The following DIO1 variants were observed in gnomAD, a reference collection of about 807,000 sequenced individuals.
DIO1 encodes the protein iodothyronine deiodinase 1.
A neutral mutation model predicts 25.9 loss-of-function variants in DIO1; 17 were observed. That is an observed-to-expected ratio of 0.66 (90% confidence interval 0.45 to 0.98). The LOEUF is 0.98. Ranked by LOEUF, DIO1 falls within the 50% of genes least tolerant of loss-of-function variation. The pLI, the probability that DIO1 is intolerant of heterozygous loss-of-function variation, is 0.00. For missense variants in DIO1, 270 were observed against 310.4 expected (o/e 0.87, Z 0.98); for synonymous variants, 115 against 114.0 (o/e 1.01, Z -0.05).
chr1:53,904,078 G>A (rs989206596), intron 1 of DIO1, among the ~76,000 whole-genome samples: 2 of 152,078 alleles, frequency 1.3e-5, no homozygotes, highest in Non-Finnish European at 2.9e-5. Context: ...CACCTACTAT[G>A]GGCCAGTAAC....
intron 1 of DIO1, among the ~76,000 whole-genome samples, chr1:53,897,625 G>A (rs1345918373): frequency 6.6e-6 from 1 of 152,228 alleles, no homozygotes; most frequent in African/African-American, 2.4e-5. Context: ...GGCTGAGTGG[G>A]AGGATTGCTT....
chr1:53,902,990 T>TC (rs373047144), intron 1 of DIO1: 2 of 24,006 alleles, frequency 8.3e-5, no homozygotes, highest in African/African-American at 1.4e-4. Context: ...TTGCACAGGC[T>TC]CCTGCCTTCC....
At chr1:53,896,711 G>T (rs1651096281) in intron 1 of DIO1, among the ~76,000 whole-genome samples, 1 of 152,118 alleles carries the variant, frequency 6.6e-6, no homozygotes, top group African/African-American at 2.4e-5. Flanking sequence ...AACAGATGGA[G>T]GTAATAAACA....
chr1:53,909,236 C>A (rs776975824), intron 3 of DIO1, among the ~76,000 whole-genome samples: 4 of 147,350 alleles, frequency 2.7e-5, no homozygotes, highest in Non-Finnish European at 6.0e-5. Context: ...GCCCACGTGG[C>A]GAAACCCTGT....
chr1:53,909,917 C>A lies in DIO1; in HGVS notation c.682-14C>A, dbSNP rs371472985. Reference sequence around the variant, plus strand: ...CCTTACAAGTTGGGAATGCCTGATTCGTTTCTCTTGCAGGGTAAATCTGGC... The same window carrying A: ...CCTTACAAGTTGGGAATGCCTGATTAGTTTCTCTTGCAGGGTAAATCTGGC... On this transcript the variant is annotated splice_polypyrimidine_tract_variant and intron_variant, in intron 3 of 3. Transcript: ENST00000361921. 3 of 1,613,638 alleles carry A rather than the reference C, an allele frequency of 1.9e-6. No homozygotes were observed. Among genetic ancestry groups the A allele is most frequent in the South Asian group, 1.1e-5 (1 of 91,084 alleles).
At chr1:53,904,396 A>G (rs1651533502) in intron 1 of DIO1, among the ~76,000 whole-genome samples, 1 of 151,808 alleles carries the variant, frequency 6.6e-6, no homozygotes, top group Non-Finnish European at 1.5e-5. Flanking sequence ...CATGAAAGGG[A>G]CTCCTCTTAT....
At chr1:53,901,375 A>G (rs550598353) in intron 1 of DIO1, among the ~76,000 whole-genome samples, 1 of 152,164 alleles carries the variant, frequency 6.6e-6, no homozygotes, top group Non-Finnish European at 1.5e-5. Context: ...AGTGCTTTCC[A>G]GAAACAATAT....
Position 53,894,353 on chromosome 1 carries a change from C to T in DIO1, c.143C>T (p.Thr48Met), listed in dbSNP as rs375309412. The change falls in exon 1 of 4, where the codon ACG becomes ATG. Residue 48 changes from threonine (T) to methionine (M), a missense_variant. Coordinates refer to ENST00000361921, the MANE Select transcript of DIO1 (RefSeq NM_000792.7). This position sits in a 1 kb window ranked among gnomAD's most constrained non-coding sequence, Gnocchi z 4.9. ...AACATCCTGGCCATGGGCGAGAAGACGGGTATGACCAGGAACCCCCATTTC... is the reference window on the plus strand; with the variant it reads ...AACATCCTGGCCATGGGCGAGAAGATGGGTATGACCAGGAACCCCCATTTC... ...KRNILAMGEK[T>M]GMTRNPHFSH... The T allele has an allele frequency of 2.3e-4, 375 of 1,614,090 alleles. No homozygotes were observed. The highest frequency in any genetic ancestry group is 3.1e-4 in the Non-Finnish European group (360 of 1,180,042).
rs892590455 is a variant in DIO1, at chr1:53,910,204, G to A, written c.*205G>A. ...AGACAAATTGTTATTATCAGAAAAT[G>A]AAGCAACACTTGAGCTGTTCAGGCC... On this transcript the variant is annotated 3_prime_UTR_variant, in exon 4 of 4. Transcript: ENST00000361921. 1 of 578,950 alleles carries A rather than the reference G, an allele frequency of 1.7e-6. No homozygotes were observed. The highest frequency in any genetic ancestry group is 3.0e-5 in the East Asian group (1 of 33,610). The allele number at this position is 578,950 out of a possible 1,614,324, so 35.9% of individuals were successfully genotyped here.
intron 2 of DIO1, 84 bp from the exon 3 acceptor site, chr1:53,906,011 C>T (rs2100778228): frequency 7.5e-7 from 1 of 1,324,730 alleles, no homozygotes; most frequent in Middle Eastern, 1.9e-4. Flanking sequence ...CTCTGAGAAC[C>T]TCAGTTAAAA....
At position 53,910,038 on chromosome 1, in the gene DIO1, G is replaced by C; in HGVS notation, c.*39G>C. On this transcript the variant is annotated 3_prime_UTR_variant, in exon 4 of 4. Coordinates refer to ENST00000361921, the MANE Select transcript of DIO1 (RefSeq NM_000792.7). ...CTCAATTCTAGGTGACCAACGGGAG[G>C]GCTTCTCAAGGCTTAGCTCTCCCTG... The C allele has an allele frequency of 1.3e-6, 2 of 1,560,992 alleles. No homozygotes were observed. The highest frequency in any genetic ancestry group is 1.8e-6 in the Non-Finnish European group (2 of 1,131,716).
chr1:53,899,328 T>C (rs1216338723), intron 1 of DIO1, among the ~76,000 whole-genome samples: 1 of 152,206 alleles, frequency 6.6e-6, no homozygotes, highest in Admixed American at 6.5e-5. Context: ...TGGGGGTTAA[T>C]TTACTGGTCT....
chr1:53,906,954 T>G (rs1285772213), intron 3 of DIO1, among the ~76,000 whole-genome samples: 3 of 152,114 alleles, frequency 2.0e-5, no homozygotes, highest in Non-Finnish European at 4.4e-5. Flanking sequence ...GTGCCCGGTC[T>G]GTTTTTGTTT....
chr1:53,899,134 G>A (rs534015960), intron 1 of DIO1, among the ~76,000 whole-genome samples: 2 of 152,126 alleles, frequency 1.3e-5, no homozygotes, highest in Admixed American at 6.5e-5. Flanking sequence ...ACAAAACATC[G>A]AGTAACTGGC....
At chr1:53,907,678 G>A (rs981719117) in intron 3 of DIO1, among the ~76,000 whole-genome samples, 6 of 152,130 alleles carry the variant, frequency 3.9e-5, no homozygotes, top group African/African-American at 9.7e-5. Flanking sequence ...TTGGGAGGCC[G>A]AGGCAGGCTG....
chr1:53,899,993 C>A (rs990252696), intron 1 of DIO1, among the ~76,000 whole-genome samples: 1 of 152,170 alleles, frequency 6.6e-6, no homozygotes, highest in African/African-American at 2.4e-5. Context: ...AAGCCTGGGC[C>A]TCCTTGTCAC....
At chr1:53,904,139 A>T (rs1391870629) in intron 1 of DIO1, among the ~76,000 whole-genome samples, 3 of 152,220 alleles carry the variant, frequency 2.0e-5, no homozygotes, top group Admixed American at 6.5e-5. Flanking sequence ...TAACAGTGCT[A>T]CAAAGGATTA....
chr1:53,904,036 CAAGCTCATAGCAACAGCTTAT>C (rs1651515922), intron 1 of DIO1, among the ~76,000 whole-genome samples: 1 of 149,322 alleles, frequency 6.7e-6, no homozygotes, highest in African/African-American at 2.6e-5. Context: ...GGAGGAGATA[CAAGCTCATAGCAACAGCTTAT>C]ATTTATGAAG....
intron 2 of DIO1, 72 bp downstream of exon 2, chr1:53,904,881 T>A (rs1651570194): frequency 1.3e-6 from 2 of 1,513,166 alleles, no homozygotes; most frequent in East Asian, 2.3e-5. Flanking sequence ...CCAGGCCCCA[T>A]CTCAAGGTTG....
Sources: gnomAD v4.1 joint callset for allele counts (sites outside exome capture counted in the v4.1 genomes callset) on GRCh38, gnomAD v4.1.1 for gene constraint, Gnocchi (gnomAD v3.1) non-coding constraint, MANE v1.5 for transcripts, NCBI Gene and HGNC (gene_info 2026-07-23, HGNC 2026-07-21) for gene names.